The following GALNT17 variants were observed in gnomAD, a reference collection of about 807,000 sequenced individuals.
GALNT17 encodes polypeptide N-acetylgalactosaminyltransferase 17.
A neutral mutation model predicts 63.7 loss-of-function variants in GALNT17; 29 were observed. That is an observed-to-expected ratio of 0.46 (90% CI 0.34 to 0.62). GALNT17 has a LOEUF of 0.62. Among genes scored for constraint, GALNT17 ranks in the 20% least tolerant of loss-of-function variants. The probability of loss-of-function intolerance (pLI) is 0.01; values close to 1 mark genes in which losing one functional copy is unlikely to be tolerated. For synonymous variants in GALNT17, 305 were observed against 318.3 expected, an observed-to-expected ratio of 0.96 and a Z score of 0.45; for missense variants, 603 against 799.6, an observed-to-expected ratio of 0.75 and a Z score of 2.97.
intron 3 of GALNT17, among the ~76,000 whole-genome samples, chr7:71,401,170 A>C (rs1397585692): frequency 6.8e-6 from 1 of 147,780 alleles, no homozygotes; most frequent in Non-Finnish European, 1.5e-5. Context: ...ATCTCAGCTC[A>C]CTGCAACCTC....
At chr7:71,226,925 C>T (rs55973969) in intron 1 of GALNT17, among the ~76,000 whole-genome samples, 47,253 of 151,856 alleles carry the variant, frequency 0.31, 8,854 homozygotes, top group South Asian at 0.53. Flanking sequence ...TATGACAGTC[C>T]GTCCCCCCTC....
intron 6 of GALNT17, among the ~76,000 whole-genome samples, chr7:71,578,135 C>G (rs1789569234): frequency 6.6e-6 from 1 of 151,800 alleles, no homozygotes; most frequent in South Asian, 2.1e-4. Flanking sequence ...CTCCTGGGTT[C>G]CAGCGATTCT....
chr7:71,581,616 G>A (rs929116960), intron 6 of GALNT17, among the ~76,000 whole-genome samples: 24 of 152,144 alleles, frequency 1.6e-4, no homozygotes, highest in African/African-American at 5.6e-4. Flanking sequence ...ATTTGGGTGG[G>A]GAGACAGAGG....
At chr7:71,301,912 A>G (rs1052239323) in intron 1 of GALNT17, among the ~76,000 whole-genome samples, 2 of 152,216 alleles carry the variant, frequency 1.3e-5, no homozygotes, top group Non-Finnish European at 2.9e-5. Context: ...TGCTATTGAC[A>G]GTGACTTTGA....
At chr7:71,633,142 T>C (rs1024035842) in intron 6 of GALNT17, among the ~76,000 whole-genome samples, 1 of 151,140 alleles carries the variant, frequency 6.6e-6, no homozygotes, top group Non-Finnish European at 1.5e-5. Context: ...TGATTATTGA[T>C]TATTTAGTTC....
intron 6 of GALNT17, among the ~76,000 whole-genome samples, chr7:71,573,122 C>T (rs964405509): frequency 4.0e-5 from 6 of 151,804 alleles, no homozygotes; most frequent in Non-Finnish European, 8.8e-5. Context: ...GATTCTCCGG[C>T]CTCAGCTTCT....
chr7:71,550,800 T>C lies in GALNT17; in HGVS notation c.963-20485T>C, dbSNP rs142563778. On this transcript the variant is annotated intron_variant, in intron 5 of 10. Transcript: ENST00000333538. ...ATAAATTTAGAAGATTTTAATTTTT[T>C]CATTATGATCGATAATATTTTGATT... Among the ~76,000 whole-genome samples the C allele has an allele frequency of 9.8e-5, 15 of 152,346 alleles. No individual in the cohort carries two copies. In the South Asian group the frequency reaches 1.7e-3, roughly 17 times the overall value.
chr7:71,595,189 G>A (rs944707552), intron 6 of GALNT17, among the ~76,000 whole-genome samples: 1 of 152,134 alleles, frequency 6.6e-6, no homozygotes, highest in African/African-American at 2.4e-5. Context: ...TAGGAAGCCG[G>A]GACCTGAGAA....
At chr7:71,135,455 C>T (rs976581049) in intron 1 of GALNT17, among the ~76,000 whole-genome samples, 2 of 152,188 alleles carry the variant, frequency 1.3e-5, no homozygotes, top group African/African-American at 4.8e-5. Flanking sequence ...GGTGCTCTGA[C>T]ACCCGCCTGA....
At chr7:71,623,384 T>A (rs529621529) in intron 6 of GALNT17, among the ~76,000 whole-genome samples, 1 of 151,874 alleles carries the variant, frequency 6.6e-6, no homozygotes, top group Non-Finnish European at 1.5e-5. Context: ...TTGTTTCTGC[T>A]CTCGGTGGTA....
chr7:71,662,349 T>C (rs1790921493), intron 6 of GALNT17, among the ~76,000 whole-genome samples: 1 of 152,150 alleles, frequency 6.6e-6, no homozygotes, highest in South Asian at 2.1e-4. Flanking sequence ...TGTCTGTCTG[T>C]CTGTCTATCT....
Position 71,574,016 on chromosome 7 carries a change from T to G in GALNT17, c.1080+2614T>G, listed in dbSNP as rs113848165. 5.3e-5 allele frequency among the ~76,000 whole-genome samples: 8 copies of G among 152,334 alleles called. 1 individual carries two copies. Among genetic ancestry groups the G allele is most frequent in the African/African-American group, 1.7e-4 (7 of 41,576 alleles). On this transcript the variant is annotated intron_variant, in intron 6 of 10. Transcript: ENST00000333538. ...TCCTTCTTCTTACAGCTGTGCAGTA[T>G]TCCATTGCGTACATGTACAACACTC...
intron 1 of GALNT17, among the ~76,000 whole-genome samples, chr7:71,293,706 G>T (rs796844202): frequency 4.6e-5 from 7 of 152,260 alleles, no homozygotes; most frequent in South Asian, 2.1e-4. Flanking sequence ...GCTTTGCAGG[G>T]TATAGTGTTT....
intron 1 of GALNT17, among the ~76,000 whole-genome samples, chr7:71,183,230 A>C (rs942053894): frequency 1.7e-4 from 26 of 151,962 alleles, no homozygotes; most frequent in African/African-American, 5.6e-4. Context: ...TGGGCATTTC[A>C]CGATTTCACC....
chr7:71,522,913 T>G (rs761204801), intron 5 of GALNT17, among the ~76,000 whole-genome samples: 3 of 152,146 alleles, frequency 2.0e-5, no homozygotes, highest in Non-Finnish European at 4.4e-5. Flanking sequence ...TTCTTAGAAA[T>G]GCAGATTCTT....
intron 2 of GALNT17, among the ~76,000 whole-genome samples, chr7:71,377,094 AAAAAAAT>A (rs1792745009): frequency 1.6e-5 from 1 of 64,490 alleles, no homozygotes; most frequent in Non-Finnish European, 2.8e-5. Flanking sequence ...TCAAAAAAAA[AAAAAAAT>A]AAAAATAAAA....
At chr7:71,573,884 T>A (rs965836833) in intron 6 of GALNT17, among the ~76,000 whole-genome samples, 1 of 152,196 alleles carries the variant, frequency 6.6e-6, no homozygotes, top group Non-Finnish European at 1.5e-5. Flanking sequence ...TGTGATGATA[T>A]GTGCTCAATG....
intron 3 of GALNT17, among the ~76,000 whole-genome samples, chr7:71,395,711 C>T (rs1793125826): frequency 1.3e-5 from 2 of 152,198 alleles, no homozygotes; most frequent in Admixed American, 1.3e-4. Context: ...CACCATTTTA[C>T]ATGATCACCA....
At chr7:71,148,976 G>A (rs1487576664) in intron 1 of GALNT17, among the ~76,000 whole-genome samples, 1 of 150,858 alleles carries the variant, frequency 6.6e-6, no homozygotes, top group Non-Finnish European at 1.5e-5. Context: ...CTGTCGCCTA[G>A]GCTGGAGTGC....
Sources: gnomAD v4.1 joint callset for allele counts (sites outside exome capture counted in the v4.1 genomes callset) on GRCh38, gnomAD v4.1.1 for gene constraint, MANE v1.5 for transcripts, NCBI Gene and HGNC (gene_info 2026-07-23, HGNC 2026-07-21) for gene names.